Variants in TFCP2L1 observed in about 807,000 individuals in gnomAD.
TFCP2L1 encodes transcription factor CP2 like 1, also known as transcription factor CP2-like protein 1.
In TFCP2L1, 12 loss-of-function variants were observed where a neutral mutation model predicts 72.2. The ratio of observed to expected loss-of-function variants is 0.17; its 90% CI spans 0.11 to 0.27. The LOEUF is 0.27. Among genes scored for constraint, TFCP2L1 ranks in the 10% least tolerant of loss-of-function variants. TFCP2L1 has a pLI of 1.00. For synonymous variants in TFCP2L1, 260 were observed against 251.0 expected, an observed-to-expected ratio of 1.04 and a Z score of -0.34; for missense variants, 488 against 624.6, an observed-to-expected ratio of 0.78 and a Z score of 2.33.
intron 8 of TFCP2L1, among the ~76,000 whole-genome samples, chr2:121,239,061 C>T (rs530050814): frequency 1.6e-4 from 25 of 152,126 alleles, no homozygotes; most frequent in Non-Finnish European, 3.1e-4. Context: ...TCACAGCATC[C>T]TCAGGGTCCA....
At chr2:121,254,826 C>A (rs896903211) in intron 2 of TFCP2L1, among the ~76,000 whole-genome samples, 5 of 151,988 alleles carry the variant, frequency 3.3e-5, no homozygotes, top group South Asian at 2.1e-4. Flanking sequence ...AGGAAGAAAT[C>A]CCCCAAAGCA....
At position 121,218,345 on chromosome 2, in the gene TFCP2L1, T is replaced by C. The variant is rs1685870399; in HGVS notation, c.*5996A>G. 6.6e-6 allele frequency: 1 copy of C among 152,202 alleles called. No individual in the cohort carries two copies. The highest frequency in any genetic ancestry group is 2.4e-5 in the African/African-American group (1 of 41,434). 9.4% of individuals were successfully genotyped at this position (152,202 alleles called of 1,614,324 possible). A position where few individuals can be genotyped will look rare whatever the true frequency, so the allele number is the denominator to read the frequency against. ...CACTTCATTGGGTTCAAAGATAATA[T>C]TCCCTATCATAAATCAGTGGCATAA... On this transcript the variant is annotated 3_prime_UTR_variant, in exon 15 of 15. Transcript: ENST00000263707.
chr2:121,224,465 C>A, intron 14 of TFCP2L1, 78 bp from the exon 15 acceptor site: 1 of 1,483,046 alleles, frequency 6.7e-7, no homozygotes, highest in South Asian at 1.2e-5. Context: ...CCAAAAGGCA[C>A]GCTGTTAGGG....
At chr2:121,235,374 A>G (rs1686224840) in intron 10 of TFCP2L1, 63 bp from the exon 11 acceptor site, 6 of 1,305,542 alleles carry the variant, frequency 4.6e-6, no homozygotes, top group Middle Eastern at 3.8e-4. Flanking sequence ...TCGGTCCCCA[A>G]CCAGCTGCAG....
At chr2:121,238,458 A>C (rs1042244237) in intron 8 of TFCP2L1, among the ~76,000 whole-genome samples, 4 of 152,254 alleles carry the variant, frequency 2.6e-5, no homozygotes, top group Admixed American at 2.6e-4. Flanking sequence ...AGCGCTCTCC[A>C]GGTGGACGGC....
At chr2:121,236,711 G>T (rs989115561) in intron 10 of TFCP2L1, among the ~76,000 whole-genome samples, 1 of 150,252 alleles carries the variant, frequency 6.7e-6, no homozygotes, top group African/African-American at 2.5e-5. Context: ...TCTCCTCCCC[G>T]GGCCACTCCA....
intron 1 of TFCP2L1, among the ~76,000 whole-genome samples, chr2:121,282,319 TAAAAAAAAAAA>T (rs539101704): frequency 5.8e-5 from 5 of 86,256 alleles, no homozygotes; most frequent in Admixed American, 1.4e-4. Flanking sequence ...CTCTCCACAT[TAAAAAAAAAAA>T]AAAAAAAAAA....
chr2:121,272,172 C>G (rs1687060225), intron 2 of TFCP2L1, among the ~76,000 whole-genome samples: 1 of 152,176 alleles, frequency 6.6e-6, no homozygotes, highest in Non-Finnish European at 1.5e-5. Flanking sequence ...TCCTGGCTTT[C>G]AAACTTACAT....
chr2:121,269,419 G>C (rs919948357), intron 2 of TFCP2L1, among the ~76,000 whole-genome samples: 1 of 152,004 alleles, frequency 6.6e-6, no homozygotes, highest in African/African-American at 2.4e-5. Flanking sequence ...CTGCACTCTA[G>C]CCTGGGTGAC....
intron 6 of TFCP2L1, among the ~76,000 whole-genome samples, chr2:121,244,060 G>A (rs1028429751): frequency 6.6e-6 from 1 of 152,044 alleles, no homozygotes; most frequent in Admixed American, 6.6e-5. Flanking sequence ...TAAGAGTGTG[G>A]TGTGTGGCAG....
At chr2:121,266,347 A>C (rs1352149061) in intron 2 of TFCP2L1, among the ~76,000 whole-genome samples, 1 of 152,122 alleles carries the variant, frequency 6.6e-6, no homozygotes, top group East Asian at 1.9e-4. Context: ...AGTAACACTT[A>C]CTGAGACCCT....
At chr2:121,270,371 A>G (rs112556399) in intron 2 of TFCP2L1, among the ~76,000 whole-genome samples, 126 of 152,348 alleles carry the variant, frequency 8.3e-4, no homozygotes, top group African/African-American at 3.0e-3. Context: ...GTATTCAGAT[A>G]GTTATTGTTC....
chr2:121,236,394 T>C (rs1286050597), intron 10 of TFCP2L1, among the ~76,000 whole-genome samples: 1 of 152,024 alleles, frequency 6.6e-6, no homozygotes, highest in Non-Finnish European at 1.5e-5. Flanking sequence ...TAAAGGAACA[T>C]AGGAAGGTGA....
intron 1 of TFCP2L1, among the ~76,000 whole-genome samples, chr2:121,283,212 C>T (rs1478352345): frequency 1.3e-5 from 2 of 152,108 alleles, no homozygotes; most frequent in Non-Finnish European, 2.9e-5. Flanking sequence ...GAATAAAAGT[C>T]ACGAGAACAT....
At chr2:121,276,459 C>T (rs1687148735) in intron 2 of TFCP2L1, among the ~76,000 whole-genome samples, 1 of 151,686 alleles carries the variant, frequency 6.6e-6, no homozygotes, top group Admixed American at 6.6e-5. Flanking sequence ...ATGACAAAAC[C>T]CCATCTCTAC....
intron 2 of TFCP2L1, among the ~76,000 whole-genome samples, chr2:121,252,034 T>C (rs1686624109): frequency 6.6e-6 from 1 of 152,166 alleles, no homozygotes; most frequent in East Asian, 1.9e-4. Flanking sequence ...TCTATTGTAT[T>C]CTATTCCATT....
intron 2 of TFCP2L1, among the ~76,000 whole-genome samples, chr2:121,251,684 C>T (rs183791789): frequency 6.6e-6 from 1 of 152,174 alleles, no homozygotes; most frequent in Non-Finnish European, 1.5e-5. Context: ...TCAAGTGCTC[C>T]CTCTACAAAA....
chr2:121,226,538 T>A (rs1178951731), intron 13 of TFCP2L1, among the ~76,000 whole-genome samples: 1 of 152,072 alleles, frequency 6.6e-6, no homozygotes, highest in African/African-American at 2.4e-5. Context: ...CTTAGTAGGA[T>A]CTGCACATCA....
chr2:121,252,070 G>C (rs1002328154), intron 2 of TFCP2L1, among the ~76,000 whole-genome samples: 2 of 152,026 alleles, frequency 1.3e-5, no homozygotes, highest in African/African-American at 2.4e-5. Context: ...CTATTTTTGA[G>C]ACAGGGTCTT....
Sources: allele counts gnomAD v4.1 joint callset (sites outside exome capture counted in the v4.1 genomes callset), GRCh38; gene constraint gnomAD v4.1.1; transcripts MANE v1.5; gene names NCBI Gene and HGNC (gene_info 2026-07-23, HGNC 2026-07-21).